Variants in FASTK observed in about 807,000 individuals in gnomAD.
The protein encoded by FASTK is fas-activated serine/threonine kinase.
In FASTK, 28 loss-of-function variants were observed where a neutral mutation model predicts 60.0. That is an observed-to-expected ratio of 0.47 (90% CI 0.35 to 0.64). The LOEUF (loss-of-function observed/expected upper bound fraction) is 0.64. Ranked by LOEUF, FASTK falls within the 30% of genes least tolerant of loss-of-function variation. The pLI, the probability that FASTK is intolerant of heterozygous loss-of-function variation, is 0.01. For missense variants in FASTK, 595 were observed against 713.8 expected (o/e 0.83, Z 1.90); for synonymous variants, 325 against 307.9 (o/e 1.06, Z -0.58).
At chr7:151,080,616 C>A in intron 1 of FASTK, 69 bp downstream of exon 1, 2 of 1,375,272 alleles carry the variant, frequency 1.5e-6, no homozygotes, top group South Asian at 1.7e-5. Context: ...GCCAGGAGAC[C>A]GTGGCCGCTG....
intron 4 of FASTK, 53 bp from the exon 5 acceptor site, chr7:151,078,145 T>C: frequency 7.3e-7 from 1 of 1,371,662 alleles, no homozygotes. Context: ...TGCAGTCATC[T>C]TTTACAAGCT....
At chr7:151,079,353 T>C in intron 2 of FASTK, 147 bp downstream of exon 2, 1 of 785,048 alleles carries the variant, frequency 1.3e-6, no homozygotes, top group East Asian at 2.8e-5. Context: ...ACTCATGATG[T>C]CTGCCGCAGA....
At position 151,076,938 on chromosome 7, in the gene FASTK, C is replaced by T. The variant is rs1356790056; in HGVS notation, c.1517G>A (p.Gly506Asp). The T allele has an allele frequency of 1.2e-6, 2 of 1,610,902 alleles. No homozygotes were observed. The highest frequency in any genetic ancestry group is 2.2e-5 in the East Asian group (1 of 44,806). The change falls in exon 9 of 10, where the codon GGC (glycine) becomes GAC (aspartate). Residue 506 changes from glycine to aspartate, a missense_variant. By Grantham distance (94) the Gly-to-Asp change is moderately conservative (BLOSUM62 -1). Transcript: ENST00000297532. Reference sequence around the variant, plus strand: ...CGGCAGGAGCTGGTAGCCCATCAGGCCTAGGTGCCGCTCCCTCAGGGCCCT... The same window carrying T: ...CGGCAGGAGCTGGTAGCCCATCAGGTCTAGGTGCCGCTCCCTCAGGGCCCT... ...GSRALRERHL[G>D]LMGYQLLPLP...
Position 151,077,634 on chromosome 7 carries a change from G to A in FASTK, c.1186C>T (p.Arg396Cys), listed in dbSNP as rs1185273147. The A allele has an allele frequency of 3.2e-6, 5 of 1,550,284 alleles. No homozygotes were observed. Among genetic ancestry groups the A allele is most frequent in the African/African-American group, 1.4e-5 (1 of 72,958 alleles). ...TGCCCCATCCACCTGTACTTGCAGC[G>A]GGCACGGTCGGTGATGAGAGGCTGG... is the stretch of plus-strand genomic sequence containing the variant. ...FPQPLITDRARCKYSHKDIVA... is the reference protein window; with the variant it reads ...FPQPLITDRACCKYSHKDIVA... Residue 396 changes from arginine to cysteine, a missense_variant, in exon 6 of 10, where the codon CGC becomes TGC. Physicochemically the swap from Arg to Cys is radical, Grantham distance 180. This residue lies in a region of FASTK where 471 missense variants were observed against 605.9 expected (regional missense o/e 0.78). Coordinates refer to ENST00000297532, the MANE Select transcript of FASTK (RefSeq NM_006712.5).
intron 1 of FASTK, 109 bp from the exon 2 acceptor site, chr7:151,080,031 C>T: frequency 1.0e-6 from 1 of 961,532 alleles, no homozygotes. Context: ...TCAGAGCAAG[C>T]CTTTGTGACT....
Position 151,079,520 on chromosome 7 carries a change from A to T in FASTK, c.485T>A (p.Leu162Gln). ...CTCACCAAGTAAGACTGCAAGGTGCAGACACACGTGGATGGTGTGAATGTC... is the reference window on the plus strand; with the variant it reads ...CTCACCAAGTAAGACTGCAAGGTGCTGACACACGTGGATGGTGTGAATGTC... ...SFDIHTIHVCLHLAVLLGFPS... is the reference protein window; with the variant it reads ...SFDIHTIHVCQHLAVLLGFPS... The change falls in exon 2 of 10, where the codon CTG becomes CAG. Residue 162 changes from leucine to glutamine, a missense_variant. Leu to Gln is a moderately radical substitution (Grantham distance 113, BLOSUM62 -2). Transcript: ENST00000297532. 6.2e-7 allele frequency: 1 copy of T among 1,607,152 alleles called. No homozygotes were observed. The highest frequency in any genetic ancestry group is 8.5e-7 in the Non-Finnish European group (1 of 1,175,268).
At chr7:151,077,444 C>T (rs751794269) in intron 6 of FASTK, 43 bp from the exon 7 acceptor site, 6 of 1,592,860 alleles carry the variant, frequency 3.8e-6, no homozygotes, top group Non-Finnish European at 5.1e-6. Context: ...CCCGGCACCT[C>T]ATCCTAATCT....
chr7:151,078,961 G>C lies in FASTK; in HGVS notation c.566C>G (p.Pro189Arg). 6.4e-7 allele frequency: 1 copy of C among 1,559,218 alleles called. No homozygotes were observed. Among genetic ancestry groups the C allele is most frequent in the Non-Finnish European group, 8.6e-7 (1 of 1,157,920 alleles). The change falls in exon 3 of 10, where the codon CCT becomes CGT. Residue 189 changes from proline (P) to arginine (R), a missense_variant. Pro to Arg is a moderately radical substitution (Grantham distance 103). This residue lies in a region of FASTK where 471 missense variants were observed against 605.9 expected (regional missense o/e 0.78). Transcript: ENST00000297532. ...ALEQERRLRL[P>R]PKPPPPLQPL... ...CTGCAAAGGGGGAGGTGGCTTCGGA[G>C]GGAGGCGGAGCCTTCGCTCCTGTTC...
intron 2 of FASTK, chr7:151,079,279 C>CTAGG: frequency 1.7e-6 from 1 of 596,948 alleles, no homozygotes. Context: ...TGGTGGCTTC[C>CTAGG]TAGGGCACTC....
At position 151,077,143 on chromosome 7, in the gene FASTK, C is replaced by G. The variant is rs201888609; in HGVS notation, c.1385G>C (p.Gly462Ala). The G allele has an allele frequency of 4.3e-6, 7 of 1,612,840 alleles. No homozygotes were observed. Among genetic ancestry groups the G allele is most frequent in the Non-Finnish European group, 5.9e-6 (7 of 1,179,426 alleles). Reference sequence around the variant, plus strand: ...AGTAGTGGCGCTAGAGGCAGCCTGGCCCTGTGGGCAGGACCTTGGTGGGTA... The same window carrying G: ...AGTAGTGGCGCTAGAGGCAGCCTGGGCCTGTGGGCAGGACCTTGGTGGGTA... ...LPYPPRSCPQ[G>A]QAASSATTRD... The change falls in exon 8 of 10, where the codon GGC becomes GCC. Residue 462 changes from glycine (G) to alanine (A), a missense_variant. Around this residue, in one of 2 missense-constraint regions of FASTK, gnomAD observed 471 missense variants for 605.9 expected, o/e 0.78. Coordinates refer to ENST00000297532, the MANE Select transcript of FASTK (RefSeq NM_006712.5).
rs1188988184 is a variant in FASTK at position 151,078,544 on chromosome 7, G to A, written c.825+18C>T. On this transcript the variant is annotated intron_variant, in intron 4 of 9. Transcript: ENST00000297532. ...TGAGAATGACAGAGATGCACTGGAG[G>A]GTGGGTGGCAAGCCCACCTTGCTGC... 3.1e-6 allele frequency: 5 copies of A among 1,611,750 alleles called. No homozygotes were observed. Among genetic ancestry groups the A allele is most frequent in the Non-Finnish European group, 4.2e-6 (5 of 1,178,468 alleles).
At chr7:151,078,522 G>A (rs772515892) in intron 4 of FASTK, 40 bp downstream of exon 4, 2 of 1,604,690 alleles carry the variant, frequency 1.2e-6, no homozygotes, top group African/African-American at 1.3e-5. Context: ...AGGTCCCTGA[G>A]AATGACAGAG....
chr7:151,078,636 G>C lies in FASTK; in HGVS notation c.751C>G (p.Arg251Gly). Residue 251 changes from arginine (R) to glycine (G), a missense_variant, in exon 4 of 10, where the codon CGG becomes GGG. Around this residue, in one of 2 missense-constraint regions of FASTK, gnomAD observed 471 missense variants for 605.9 expected, o/e 0.78. Transcript: ENST00000297532. ...TCCAGAAGCTGGGGCTCCCGCAACC[G>C]GTGCCGGGCCAGGTGCTGGGCCAGG... ...VLLAQHLARHRLREPQLLEAI... is the reference protein window; with the variant it reads ...VLLAQHLARHGLREPQLLEAI... 1 of 1,613,468 alleles carries C rather than the reference G, an allele frequency of 6.2e-7. No homozygotes were observed. Among genetic ancestry groups the C allele is most frequent in the African/African-American group, 1.3e-5 (1 of 75,054 alleles).
rs924056895 is a variant in FASTK, at chr7:151,077,113, T to C, written c.1415A>G (p.Asp472Gly). 6.2e-7 allele frequency: 1 copy of C among 1,610,480 alleles called. No homozygotes were observed. The highest frequency in any genetic ancestry group is 1.7e-5 in the Admixed American group (1 of 59,880). ...CTGCCTCCTTTACCTCTGGGCAGGG[T>C]CTCGAGTAGTGGCGCTAGAGGCAGC... ...GQAASSATTRDPAQRVVLVLR... is the reference protein window; with the variant it reads ...GQAASSATTRGPAQRVVLVLR... Residue 472 changes from aspartate (D) to glycine (G), a missense_variant, in exon 8 of 10, where the codon GAC (aspartate) becomes GGC (glycine). Transcript: ENST00000297532.
At chr7:151,080,392 C>T (rs1797924381) in intron 1 of FASTK, 11 of 1,036,418 alleles carry the variant, frequency 1.1e-5, no homozygotes, top group Non-Finnish European at 1.4e-5. Context: ...ACGCGGGCTC[C>T]GCGGCTGGAC....
In FASTK at chr7:151,078,033, C is replaced by T. The variant is rs369373850; in HGVS notation, c.885G>A (p.Gln295=). ...GRLNYLPLEQ[Q]FMPCLERILA... The stretch of plus-strand genomic sequence containing the variant: ...GGATCCTCTCAAGGCAGGGCATAAA[C>T]TGCTGTTCCAGGGGCAGGTAGTTCA... Residue 295 remains glutamine (Q), a synonymous_variant, in exon 5 of 10, where the codon CAG becomes CAA. Coordinates refer to ENST00000297532, the MANE Select transcript of FASTK (RefSeq NM_006712.5). 10 of 1,606,030 alleles carry T rather than the reference C, an allele frequency of 6.2e-6. No individual in the cohort carries two copies. The Admixed American group carries it at 1.7e-4, about 27-fold the overall frequency.
intron 2 of FASTK, 22 bp from the exon 3 acceptor site, chr7:151,079,043 C>A: frequency 6.9e-7 from 1 of 1,440,244 alleles, no homozygotes; most frequent in South Asian, 1.5e-5. Context: ...AGGTAAAAGG[C>A]AGCCTGGTAA....
At chr7:151,079,460 C>T (rs2150387214) in intron 2 of FASTK, 40 bp downstream of exon 2, 1 of 1,534,876 alleles carries the variant, frequency 6.5e-7, no homozygotes, top group African/African-American at 1.4e-5. Flanking sequence ...TCTTCATTAA[C>T]ACCTAGCCCC....
intron 9 of FASTK, 40 bp from the exon 10 acceptor site, chr7:151,076,872 G>A (rs1244915672): frequency 5.6e-6 from 9 of 1,599,800 alleles, no homozygotes; most frequent in Non-Finnish European, 7.7e-6. Context: ...CCCGCAGGCT[G>A]GGAGTGAGGA....
Sources: gnomAD v4.1 joint callset for allele counts on GRCh38, gnomAD v4.1.1 for gene constraint, gnomAD v4.1.1 regional missense constraint, MANE v1.5 for transcripts, NCBI Gene and HGNC (gene_info 2026-07-23, HGNC 2026-07-21) for gene names.